The following TLN2 variants were observed in gnomAD, a reference collection of about 807,000 sequenced individuals.
TLN2 encodes talin-2.
TLN2 carries 118 observed loss-of-function variants against 294.7 expected under a neutral mutation model. The ratio of observed to expected loss-of-function variants is 0.40; its 90% CI spans 0.34 to 0.47. TLN2 has a LOEUF of 0.47. TLN2 is among the 20% of genes least tolerant of loss of function. The probability of loss-of-function intolerance (pLI) is 0.84; values close to 1 mark genes in which losing one functional copy is unlikely to be tolerated. For missense variants in TLN2, 3,083 were observed against 3,282.2 expected (o/e 0.94, Z 1.48); for synonymous variants, 1,431 against 1,304.5 (o/e 1.10, Z -2.09).
At chr15:62,683,397 C>A (rs541286469) in intron 11 of TLN2, among the ~76,000 whole-genome samples, 1 of 152,084 alleles carries the variant, frequency 6.6e-6, no homozygotes. Context: ...GGTTTATTAG[C>A]GAATCCTGCC....
chr15:62,453,094 T>G (rs892454264), intron 1 of TLN2, among the ~76,000 whole-genome samples: 1 of 152,290 alleles, frequency 6.6e-6, no homozygotes, highest in Admixed American at 6.5e-5. Context: ...AAATTCAAGT[T>G]TAACTAGATT....
chr15:62,456,126 C>G (rs1201332765), intron 1 of TLN2, among the ~76,000 whole-genome samples: 1 of 151,528 alleles, frequency 6.6e-6, no homozygotes, highest in African/African-American at 2.4e-5. Flanking sequence ...TGACAAGTAA[C>G]AGCCCTGATC....
At chr15:62,654,453 G>T (rs2052958669) in intron 7 of TLN2, among the ~76,000 whole-genome samples, 1 of 152,058 alleles carries the variant, frequency 6.6e-6, no homozygotes, top group Non-Finnish European at 1.5e-5. Context: ...TTCCTTAGGA[G>T]TTAAAAATAG....
chr15:62,426,208 C>T (rs1371530933), intron 1 of TLN2, among the ~76,000 whole-genome samples: 1 of 152,186 alleles, frequency 6.6e-6, no homozygotes, highest in Non-Finnish European at 1.5e-5. Context: ...TCCCTGCATC[C>T]TTTGAGGGGG....
chr15:62,717,530 G>C, intron 23 of TLN2, 46 bp from the exon 24 acceptor site: 2 of 1,318,826 alleles, frequency 1.5e-6, no homozygotes, highest in Non-Finnish European at 2.0e-6. Context: ...GAACATGCAT[G>C]TATATTGCAT....
intron 54 of TLN2, among the ~76,000 whole-genome samples, chr15:62,825,817 AAT>A (rs2068079699): frequency 4.5e-5 from 1 of 22,254 alleles, no homozygotes; most frequent in Non-Finnish European, 7.2e-5. Flanking sequence ...ATTATATTAT[AAT>A]ATATATTATA....
At chr15:62,610,486 C>A (rs1369157856) in intron 2 of TLN2, among the ~76,000 whole-genome samples, 2 of 152,188 alleles carry the variant, frequency 1.3e-5, no homozygotes, top group Non-Finnish European at 2.9e-5. Context: ...TTAACACATG[C>A]ATTTTCTCTG....
At position 62,505,200 on chromosome 15, in the gene TLN2, G is replaced by A. The variant is rs544585016; in HGVS notation, c.-237-84487G>A. On this transcript the variant is annotated intron_variant, in intron 1 of 58. Coordinates refer to ENST00000636159, the MANE Select transcript of TLN2 (RefSeq NM_015059.3). ...TCTCGAACTCCTGACCTTGTGATCC[G>A]CCCACCTCGGCCTCCCAAAGTGCTG... Among the ~76,000 whole-genome samples, 25 of 151,998 alleles carry A rather than the reference G, an allele frequency of 1.6e-4. 1 individual carries two copies. In the South Asian group the frequency reaches 4.4e-3, roughly 27 times the overall value.
rs923788677 is a variant in TLN2 at position 62,843,684 on chromosome 15, G to A, written c.*3074G>A. 1 of 152,228 alleles carries A rather than the reference G, an allele frequency of 6.6e-6. No homozygotes were observed. Among genetic ancestry groups the A allele is most frequent in the Admixed American group, 6.5e-5 (1 of 15,286 alleles). 9.4% of individuals were successfully genotyped at this position (152,228 alleles called of 1,614,324 possible). A position where few individuals can be genotyped will look rare whatever the true frequency, so the allele number is the denominator to read the frequency against. On this transcript the variant is annotated 3_prime_UTR_variant, in exon 59 of 59. Transcript: ENST00000636159. ...GTGTGTTTACAGGCAACTAAAGCCT[G>A]TTCCTAATTTATCAAAAAATTATAA...
intron 9 of TLN2, among the ~76,000 whole-genome samples, chr15:62,663,960 C>T (rs189322385): frequency 5.3e-5 from 8 of 151,826 alleles, no homozygotes; most frequent in Admixed American, 3.9e-4. Context: ...CTAGTCAAGG[C>T]TCAAGAATGG....
intron 1 of TLN2, among the ~76,000 whole-genome samples, chr15:62,582,431 G>A (rs1415888524): frequency 2.6e-5 from 4 of 152,198 alleles, no homozygotes. Context: ...CCCTGTAAGA[G>A]CTCACAGTCT....
At chr15:62,490,746 C>T (rs909739975) in intron 1 of TLN2, among the ~76,000 whole-genome samples, 1 of 152,124 alleles carries the variant, frequency 6.6e-6, no homozygotes, top group African/African-American at 2.4e-5. Flanking sequence ...TTTTTCTACA[C>T]AAGTCCTCTG....
intron 12 of TLN2, among the ~76,000 whole-genome samples, chr15:62,688,579 G>C (rs2057495388): frequency 6.6e-6 from 1 of 152,036 alleles, no homozygotes; most frequent in Admixed American, 6.5e-5. Context: ...TTTTCTGCCT[G>C]GCAGTTTTCT....
chr15:62,506,835 C>T lies in TLN2; in HGVS notation c.-237-82852C>T, dbSNP rs891312190. On this transcript the variant is annotated intron_variant, in intron 1 of 58. Coordinates refer to ENST00000636159, the MANE Select transcript of TLN2 (RefSeq NM_015059.3). ...ATGTGTGAGCAGCATGGCATTCAAA[C>T]GGGATATTAATCTTCCTAGAAATTT... Among the ~76,000 whole-genome samples the T allele has an allele frequency of 4.6e-5, 7 of 152,194 alleles. No homozygotes were observed. In the South Asian group the frequency reaches 6.2e-4, roughly 14 times the overall value.
chr15:62,695,394 C>T (rs1353877619), intron 14 of TLN2, among the ~76,000 whole-genome samples: 1 of 152,172 alleles, frequency 6.6e-6, no homozygotes, highest in Admixed American at 6.5e-5. Context: ...TAAGACCCCA[C>T]AGTGATGCTC....
chr15:62,671,261 C>A (rs1411719102), intron 9 of TLN2, among the ~76,000 whole-genome samples: 3 of 152,090 alleles, frequency 2.0e-5, no homozygotes, highest in Non-Finnish European at 4.4e-5. Context: ...GTGGTATCTG[C>A]AATTTAAAAG....
intron 1 of TLN2, among the ~76,000 whole-genome samples, chr15:62,402,611 C>G (rs573011826): frequency 6.6e-6 from 1 of 152,298 alleles, no homozygotes; most frequent in South Asian, 2.1e-4. Flanking sequence ...ATGATCCTGC[C>G]TAGAGAAAAC....
intron 1 of TLN2, among the ~76,000 whole-genome samples, chr15:62,524,268 A>G (rs536066247): frequency 2.0e-5 from 3 of 152,342 alleles, no homozygotes; most frequent in Non-Finnish European, 4.4e-5. Flanking sequence ...TTCATAAACT[A>G]AAATCATCAG....
At chr15:62,683,132 A>G (rs945161792) in intron 11 of TLN2, 20 of 152,302 alleles carry the variant, frequency 1.3e-4, no homozygotes, top group African/African-American at 4.8e-4. Flanking sequence ...CTAGAACTCT[A>G]GTGAGCTCAG....
Sources: gnomAD v4.1 joint callset for allele counts (sites outside exome capture counted in the v4.1 genomes callset) on GRCh38, gnomAD v4.1.1 for gene constraint, MANE v1.5 for transcripts, NCBI Gene and HGNC (gene_info 2026-07-23, HGNC 2026-07-21) for gene names.